The following TRPM7 variants were observed in gnomAD, a reference collection of about 807,000 sequenced individuals.
TRPM7 encodes LTRPC ion channel family member 7.
TRPM7 carries 134 observed loss-of-function variants against 229.7 expected under a neutral mutation model. The ratio of observed to expected loss-of-function variants is 0.58; its 90% CI spans 0.51 to 0.67. The LOEUF is 0.67. TRPM7 is among the 30% of genes least tolerant of loss of function. The probability of loss-of-function intolerance (pLI) is 0.00; values close to 1 mark genes in which losing one functional copy is unlikely to be tolerated. For synonymous variants in TRPM7, 699 were observed against 715.2 expected, an observed-to-expected ratio of 0.98 and a Z score of 0.36; for missense variants, 1,901 against 2,210.0, an observed-to-expected ratio of 0.86 and a Z score of 2.80.
intron 1 of TRPM7, among the ~76,000 whole-genome samples, chr15:50,672,898 CAAAAAAAAAAAA>C (rs35153596): frequency 1.7e-3 from 45 of 26,222 alleles, no homozygotes; most frequent in African/African-American, 5.6e-3. Flanking sequence ...GACTCTGTCT[CAAAAAAAAAAAA>C]AAAAAAAAAA....
chr15:50,594,391 A>T, intron 24 of TRPM7, 38 bp downstream of exon 24: 7 of 1,503,318 alleles, frequency 4.7e-6, no homozygotes, highest in Non-Finnish European at 6.3e-6. Flanking sequence ...ATGAGAAGTG[A>T]TAAAATGAAA....
At chr15:50,635,207 C>T (rs1281945524) in intron 7 of TRPM7, among the ~76,000 whole-genome samples, 2 of 150,868 alleles carry the variant, frequency 1.3e-5, no homozygotes, top group Non-Finnish European at 2.9e-5. Flanking sequence ...GTCCCAGCTA[C>T]TCAGGAGGGC....
At chr15:50,635,987 A>G (rs1235025719) in intron 7 of TRPM7, among the ~76,000 whole-genome samples, 1 of 149,016 alleles carries the variant, frequency 6.7e-6, no homozygotes, top group Non-Finnish European at 1.5e-5. Context: ...TCAAAAAAAG[A>G]AAAAAAAAAT....
intron 9 of TRPM7, among the ~76,000 whole-genome samples, chr15:50,631,926 G>C (rs1281632894): frequency 6.6e-6 from 1 of 151,914 alleles, no homozygotes; most frequent in Non-Finnish European, 1.5e-5. Flanking sequence ...TGTTTGTTTT[G>C]GTCAATATTT....
At position 50,643,469 on chromosome 15, in the gene TRPM7, C is replaced by T. The variant is rs2061165774; in HGVS notation, c.406G>A (p.Val136Ile). The T allele has an allele frequency of 1.2e-6, 2 of 1,614,028 alleles. No individual in the cohort carries two copies. The highest frequency in any genetic ancestry group is 2.2e-5 in the East Asian group (1 of 44,894). Residue 136 changes from valine to isoleucine, a missense_variant, in exon 5 of 39, where the codon GTT becomes ATT. Val to Ile is a conservative substitution (Grantham distance 29, BLOSUM62 3). This residue lies in a region of TRPM7 where 794 missense variants were observed against 881.9 expected (regional missense o/e 0.90). Transcript: ENST00000646667. Reference sequence around the variant, plus strand: ...TGCATGCCCCCATGTACAGAGATAACAAGTTTGGGTAACTCCATTTGCCAT... The same window carrying T: ...TGCATGCCCCCATGTACAGAGATAATAAGTTTGGGTAACTCCATTTGCCAT... Reference protein sequence around the residue: ...KEWQMELPKLVISVHGGMQKF... With the variant: ...KEWQMELPKLIISVHGGMQKF...
rs894485597 is a variant in TRPM7, at chr15:50,676,303, A to AT, written c.3+10227dup. On this transcript the variant is annotated intron_variant, in intron 1 of 38. Coordinates refer to ENST00000646667, the MANE Select transcript of TRPM7 (RefSeq NM_017672.6). ...TGTTAAGGTAACATGTGGAAATCAA[A>AT]TTTTTTTTTAACAAATACATTCTAT... Among the ~76,000 whole-genome samples, 36 of 151,790 alleles carry AT rather than the reference A, an allele frequency of 2.4e-4. 1 individual carries two copies. In the South Asian group the frequency reaches 3.8e-3, roughly 16 times the overall value.
At chr15:50,614,305 T>A (rs762025890) in intron 13 of TRPM7, 42 bp from the exon 14 acceptor site, 30 of 1,528,676 alleles carry the variant, frequency 2.0e-5, no homozygotes, top group Non-Finnish European at 2.5e-5. Context: ...AGATAGCACT[T>A]CTCAATATTG....
chr15:50,681,264 T>TACACACACACAC (rs72070923), intron 1 of TRPM7, among the ~76,000 whole-genome samples: 3,600 of 146,968 alleles, frequency 0.024, 172 homozygotes, highest in African/African-American at 0.084. Context: ...AATAAATAAA[T>TACACACACACAC]ACACACACAC....
intron 1 of TRPM7, among the ~76,000 whole-genome samples, chr15:50,682,899 C>CTTTTT (rs11437624): frequency 9.1e-5 from 13 of 143,294 alleles, no homozygotes; most frequent in Non-Finnish European, 1.8e-4. Flanking sequence ...CGGTACCAAA[C>CTTTTT]TTTTTTTTTT....
chr15:50,628,205 A>G lies in TRPM7; in HGVS notation c.1249T>C (p.Trp417Arg). The G allele has an allele frequency of 6.2e-7, 1 of 1,613,602 alleles. No homozygotes were observed. Among genetic ancestry groups the G allele is most frequent in the East Asian group, 2.2e-5 (1 of 44,870 alleles). ...TTTTTGGCAATGTCAACTCTATCCCATGCCAATGTAAGGATAAGCTGGTCA... is the reference window on the plus strand; with the variant it reads ...TTTTTGGCAATGTCAACTCTATCCCGTGCCAATGTAAGGATAAGCTGGTCA... ...AFDQLILTLA[W>R]DRVDIAKNHV... is the part of the protein sequence containing the mutation. The change falls in exon 11 of 39, where the codon TGG becomes CGG. Residue 417 changes from tryptophan to arginine, a missense_variant. Around this residue, in one of 8 missense-constraint regions of TRPM7, gnomAD observed 794 missense variants for 881.9 expected, o/e 0.90. Coordinates refer to ENST00000646667, the MANE Select transcript of TRPM7 (RefSeq NM_017672.6).
chr15:50,663,958 C>G (rs889708335), intron 1 of TRPM7, among the ~76,000 whole-genome samples: 2 of 151,012 alleles, frequency 1.3e-5, no homozygotes, highest in Non-Finnish European at 3.0e-5. Flanking sequence ...GTGAGAGACT[C>G]TGTCTCAAAA....
In TRPM7 at chr15:50,619,769, A is replaced by G. The variant is rs201788508; in HGVS notation, c.1470T>C (p.Phe490=). Residue 490 remains phenylalanine (F), a synonymous_variant, in exon 13 of 39, where the codon TTT becomes TTC. Coordinates refer to ENST00000646667, the MANE Select transcript of TRPM7 (RefSeq NM_017672.6). ...CCTGTTTGACGTCTCGAACAAGATGAAACAGCATTGGATTAGTTGGACCTT... is the reference window on the plus strand; with the variant it reads ...CCTGTTTGACGTCTCGAACAAGATGGAACAGCATTGGATTAGTTGGACCTT... ...TKQGPTNPML[F]HLVRDVKQGN... The G allele has an allele frequency of 6.9e-6, 11 of 1,599,388 alleles. No homozygotes were observed. The East Asian group carries it at 1.1e-4, about 16-fold the overall frequency.
chr15:50,643,892 T>C (rs1009846712), intron 4 of TRPM7, among the ~76,000 whole-genome samples: 1 of 152,016 alleles, frequency 6.6e-6, no homozygotes, highest in African/African-American at 2.4e-5. Context: ...CACAGTGAGT[T>C]AGAAACATTA....
intron 38 of TRPM7, among the ~76,000 whole-genome samples, chr15:50,567,111 T>A (rs781723074): frequency 2.3e-4 from 35 of 152,042 alleles, no homozygotes; most frequent in Non-Finnish European, 4.3e-4. Flanking sequence ...AATTTGATAA[T>A]CAACAGTCCT....
At chr15:50,651,220 C>G (rs964096311) in intron 3 of TRPM7, among the ~76,000 whole-genome samples, 5 of 150,622 alleles carry the variant, frequency 3.3e-5, no homozygotes, top group African/African-American at 1.2e-4. Context: ...TCAAAGAATA[C>G]TGAGGCATGC....
chr15:50,658,247 C>T (rs986742067), intron 2 of TRPM7, among the ~76,000 whole-genome samples: 4 of 152,002 alleles, frequency 2.6e-5, no homozygotes, highest in African/African-American at 9.7e-5. Context: ...CCTTGTGATC[C>T]ACCTGCCTCG....
In TRPM7 at chr15:50,559,391, C is replaced by T. The variant is rs1436673172; in HGVS notation, c.*2287G>A. 2.0e-5 allele frequency: 3 copies of T among 150,384 alleles called. No homozygotes were observed. The highest frequency in any genetic ancestry group is 7.3e-5 in the African/African-American group (3 of 40,878). The allele number at this position is 150,384 out of a possible 1,614,324, so 9.3% of individuals were successfully genotyped here. A position where few individuals can be genotyped will look rare whatever the true frequency, so the allele number is the denominator to read the frequency against. On this transcript the variant is annotated 3_prime_UTR_variant, in exon 39 of 39. Coordinates refer to ENST00000646667, the MANE Select transcript of TRPM7 (RefSeq NM_017672.6). ...TTTTTTTAGCAGAGATAGGATTTTG[C>T]CATGTTGCCCAGGCTGGTCTCAAAC...
At chr15:50,572,040 A>T (rs2141485397) in intron 36 of TRPM7, among the ~76,000 whole-genome samples, 1 of 152,364 alleles carries the variant, frequency 6.6e-6, no homozygotes, top group Admixed American at 6.5e-5. Flanking sequence ...TCATGCCCGT[A>T]ATCCTAGCAC....
intron 5 of TRPM7, among the ~76,000 whole-genome samples, chr15:50,640,449 T>A (rs1341337728): frequency 1.4e-5 from 2 of 146,984 alleles, no homozygotes; most frequent in African/African-American, 5.1e-5. Flanking sequence ...GGTAATTTTT[T>A]TTTCTTTTTT....
Sources: gnomAD v4.1 joint callset for allele counts (sites outside exome capture counted in the v4.1 genomes callset) on GRCh38, gnomAD v4.1.1 for gene constraint, gnomAD v4.1.1 regional missense constraint, MANE v1.5 for transcripts, NCBI Gene and HGNC (gene_info 2026-07-23, HGNC 2026-07-21) for gene names.